The following TNKS variants were observed in gnomAD, a reference collection of about 807,000 sequenced individuals.
TNKS encodes tankyrase, also known as poly [ADP-ribose] polymerase tankyrase-1.
A neutral mutation model predicts 135.8 loss-of-function variants in TNKS; 72 were observed. The ratio of observed to expected loss-of-function variants is 0.53; its 90% CI spans 0.44 to 0.64. The LOEUF (loss-of-function observed/expected upper bound fraction) is 0.64. TNKS is among the 30% of genes least tolerant of loss of function. TNKS has a pLI of 0.00. For missense variants in TNKS, 1,769 were observed against 1,674.0 expected (o/e 1.06, Z -0.99); for synonymous variants, 849 against 649.3 (o/e 1.31, Z -4.68).
At chr8:9,764,439 A>T (rs1325191676) in intron 22 of TNKS, among the ~76,000 whole-genome samples, 2 of 152,178 alleles carry the variant, frequency 1.3e-5, no homozygotes, top group Non-Finnish European at 2.9e-5. Flanking sequence ...ATAAGATAAG[A>T]TAGTAATTGT....
chr8:9,712,239 G>T (rs1804371409), intron 11 of TNKS, among the ~76,000 whole-genome samples: 1 of 152,194 alleles, frequency 6.6e-6, no homozygotes, highest in African/African-American at 2.4e-5. Context: ...CAGAGCTTTA[G>T]GAGGCAAAGG....
chr8:9,658,481 A>G (rs1801532381), intron 3 of TNKS: 2 of 664,182 alleles, frequency 3.0e-6, no homozygotes, highest in Admixed American at 3.8e-5. Context: ...ATCCAGCCAA[A>G]CTAAGCTTCA....
In TNKS at chr8:9,596,344, A is replaced by G. The variant is rs940995688; in HGVS notation, c.898+15961A>G. Reference sequence around the variant, plus strand: ...TACTGAAATGTGGAGGTAGGTCCATATTTGAGATAAAGATGTAGGGAGTCC... The same window carrying G: ...TACTGAAATGTGGAGGTAGGTCCATGTTTGAGATAAAGATGTAGGGAGTCC... On this transcript the variant is annotated intron_variant, in intron 2 of 26. Coordinates refer to ENST00000310430, the MANE Select transcript of TNKS (RefSeq NM_003747.3). Among the ~76,000 whole-genome samples the G allele has an allele frequency of 2.6e-5, 4 of 151,330 alleles. No homozygotes were observed. In the South Asian group the frequency reaches 8.4e-4, roughly 32 times the overall value.
chr8:9,681,895 A>G (rs1802796227), intron 5 of TNKS, among the ~76,000 whole-genome samples: 1 of 152,102 alleles, frequency 6.6e-6, no homozygotes, highest in Non-Finnish European at 1.5e-5. Flanking sequence ...GATAGCTTAT[A>G]TATCGTTACA....
At chr8:9,699,137 A>C (rs1038621212) in intron 5 of TNKS, among the ~76,000 whole-genome samples, 1 of 152,206 alleles carries the variant, frequency 6.6e-6, no homozygotes, top group African/African-American at 2.4e-5. Flanking sequence ...GCTTGTGTTT[A>C]CTAGTTTACA....
intron 5 of TNKS, among the ~76,000 whole-genome samples, chr8:9,700,010 C>T (rs1803719664): frequency 6.6e-6 from 1 of 152,146 alleles, no homozygotes; most frequent in South Asian, 2.1e-4. Flanking sequence ...TATTCTTTTG[C>T]CTCAGTGATT....
chr8:9,639,519 CTT>C (rs34044932), intron 3 of TNKS, among the ~76,000 whole-genome samples: 8 of 140,168 alleles, frequency 5.7e-5, no homozygotes, highest in Admixed American at 7.0e-5. Flanking sequence ...TTATCTAAGC[CTT>C]TTTTTTTTTT....
In TNKS at chr8:9,633,644, G is replaced by C. The variant is rs1800384319; in HGVS notation, c.994+17967G>C. Among the ~76,000 whole-genome samples, 3 of 152,136 alleles carry C rather than the reference G, an allele frequency of 2.0e-5. No individual in the cohort carries two copies. The South Asian group carries it at 6.2e-4, about 32-fold the overall frequency. ...CTGATGATAAGCCATTTTCAAGATG[G>C]TCATAAAAACTATGGCTTTTATGTT... On this transcript the variant is annotated intron_variant, in intron 3 of 26. Coordinates refer to ENST00000310430, the MANE Select transcript of TNKS (RefSeq NM_003747.3).
intron 2 of TNKS, among the ~76,000 whole-genome samples, chr8:9,612,361 C>T (rs910166954): frequency 2.0e-5 from 3 of 152,156 alleles, no homozygotes; most frequent in South Asian, 2.1e-4. Context: ...TTCTGGGAAT[C>T]GAATTTTATA....
At chr8:9,680,136 CATT>C in intron 4 of TNKS, 149 bp downstream of exon 4, 1 of 566,438 alleles carries the variant, frequency 1.8e-6, no homozygotes, top group Non-Finnish European at 3.2e-6. Context: ...TACTTTATAT[CATT>C]ATTGTATATA....
intron 7 of TNKS, 95 bp downstream of exon 7, chr8:9,706,348 T>C: frequency 9.9e-7 from 1 of 1,009,150 alleles, no homozygotes; most frequent in Admixed American, 2.9e-5. Flanking sequence ...TGAAAGTTTG[T>C]TTAGTTCTTT....
chr8:9,582,171 T>A (rs2129053631), intron 2 of TNKS, among the ~76,000 whole-genome samples: 1 of 152,342 alleles, frequency 6.6e-6, no homozygotes, highest in Non-Finnish European at 1.5e-5. Flanking sequence ...CTTAGGAGGT[T>A]TATTCTGAGG....
At chr8:9,581,106 T>G (rs1179775595) in intron 2 of TNKS, among the ~76,000 whole-genome samples, 1 of 152,186 alleles carries the variant, frequency 6.6e-6, no homozygotes. Context: ...CAGGTTGATT[T>G]ACGTAATTGT....
chr8:9,616,276 A>G (rs942979200), intron 3 of TNKS, among the ~76,000 whole-genome samples: 1 of 152,230 alleles, frequency 6.6e-6, no homozygotes, highest in Non-Finnish European at 1.5e-5. Flanking sequence ...GCAAAGAGGA[A>G]ATGCTAGAAT....
At chr8:9,631,636 A>G (rs529754010) in intron 3 of TNKS, among the ~76,000 whole-genome samples, 22 of 152,220 alleles carry the variant, frequency 1.4e-4, no homozygotes, top group African/African-American at 4.8e-4. Context: ...CAGAATTTTA[A>G]GTTTTATATT....
chr8:9,766,105 C>A, intron 24 of TNKS, 134 bp from the exon 25 acceptor site: 1 of 763,944 alleles, frequency 1.3e-6, no homozygotes, highest in Non-Finnish European at 2.0e-6. Flanking sequence ...GTATAATAGA[C>A]CTTCTTAGAA....
At chr8:9,682,719 C>G (rs1413996264) in intron 5 of TNKS, among the ~76,000 whole-genome samples, 1 of 151,994 alleles carries the variant, frequency 6.6e-6, no homozygotes, top group Non-Finnish European at 1.5e-5. Context: ...ATTTTATCCT[C>G]TGAGTGAGAA....
At chr8:9,753,044 C>T (rs1473391651) in intron 20 of TNKS, among the ~76,000 whole-genome samples, 1 of 151,950 alleles carries the variant, frequency 6.6e-6, no homozygotes, top group Non-Finnish European at 1.5e-5. Flanking sequence ...ATTCTTAAAC[C>T]CACAACACAT....
chr8:9,779,133 C>T lies in TNKS; in HGVS notation c.*2397C>T, dbSNP rs1808360789. On this transcript the variant is annotated 3_prime_UTR_variant, in exon 27 of 27. Coordinates refer to ENST00000310430, the MANE Select transcript of TNKS (RefSeq NM_003747.3). ...CTTGAAAGAGTGTGCATATATTACT[C>T]ATCTGCTTAAGAGAGTGGGTTAATG... 1 of 152,024 alleles carries T rather than the reference C, an allele frequency of 6.6e-6. No homozygotes were observed. Among genetic ancestry groups the T allele is most frequent in the African/African-American group, 2.4e-5 (1 of 41,214 alleles). The allele number at this position is 152,024 out of a possible 1,614,324, so 9.4% of individuals were successfully genotyped here.
Sources: gnomAD v4.1 joint callset for allele counts (sites outside exome capture counted in the v4.1 genomes callset) on GRCh38, gnomAD v4.1.1 for gene constraint, MANE v1.5 for transcripts, NCBI Gene and HGNC (gene_info 2026-07-23, HGNC 2026-07-21) for gene names.